The following MAPK13 variants were observed in gnomAD, a reference collection of about 807,000 sequenced individuals.
MAPK13 encodes MAP kinase 13.
In MAPK13, 39 loss-of-function variants were observed where a neutral mutation model predicts 53.5. The ratio of observed to expected loss-of-function variants is 0.73; its 90% CI spans 0.56 to 0.95. The LOEUF (loss-of-function observed/expected upper bound fraction) is 0.95. Ranked by LOEUF, MAPK13 falls within the 40% of genes least tolerant of loss-of-function variation. MAPK13 has a pLI of 0.00. For synonymous variants in MAPK13, 179 were observed against 190.9 expected, an observed-to-expected ratio of 0.94 and a Z score of 0.51; for missense variants, 460 against 471.8, an observed-to-expected ratio of 0.98 and a Z score of 0.23.
chr6:36,135,482 C>T (rs901864966), intron 3 of MAPK13, among the ~76,000 whole-genome samples: 9 of 152,332 alleles, frequency 5.9e-5, no homozygotes, highest in Admixed American at 2.6e-4. Context: ...CTTTGAAGAG[C>T]GGGAACACAG....
Position 36,131,288 on chromosome 6 carries a change from G to C in MAPK13, c.137G>C (p.Arg46Pro). The change falls in exon 2 of 12, where the codon CGG becomes CCG. Residue 46 changes from arginine to proline, a missense_variant. Transcript: ENST00000211287. ...YGSVCSAIDKRSGEKVAIKKL... is the reference protein window; with the variant it reads ...YGSVCSAIDKPSGEKVAIKKL... ...CCCGACAGCTCGGCCATCGACAAGC[G>C]GTCAGGGGAGAAGGTGGCCATCAAG... The C allele has an allele frequency of 1.2e-6, 2 of 1,613,502 alleles. No homozygotes were observed. Among genetic ancestry groups the C allele is most frequent in the Non-Finnish European group, 1.7e-6 (2 of 1,179,720 alleles).
Position 36,140,630 on chromosome 6 carries a change from AC to A in MAPK13, c.*1259del, listed in dbSNP as rs1766515216. The A allele has an allele frequency of 6.6e-6, 1 of 152,580 alleles. No individual in the cohort carries two copies. The highest frequency in any genetic ancestry group is 6.5e-5 in the Admixed American group (1 of 15,278). The allele number at this position is 152,580 out of a possible 1,614,324, so 9.5% of individuals were successfully genotyped here. A position where few individuals can be genotyped will look rare whatever the true frequency, so the allele number is the denominator to read the frequency against. Reference sequence around the variant, plus strand: ...GCCTAGTGATTCTGATGGATATCAGACCATAGTTCGAGACATTTAGTGGATT... The same window carrying A: ...GCCTAGTGATTCTGATGGATATCAGACATAGTTCGAGACATTTAGTGGATT... On this transcript the variant is annotated 3_prime_UTR_variant, in exon 12 of 12. Coordinates refer to ENST00000211287, the MANE Select transcript of MAPK13 (RefSeq NM_002754.5).
chr6:36,132,457 G>C (rs1205166581), intron 2 of MAPK13, among the ~76,000 whole-genome samples, 164 bp from the exon 3 acceptor site: 1 of 152,182 alleles, frequency 6.6e-6, no homozygotes, highest in Non-Finnish European at 1.5e-5. Flanking sequence ...GATTCCTCTA[G>C]GCCTCTGCCC....
At chr6:36,135,541 G>C (rs1423457774) in intron 3 of MAPK13, among the ~76,000 whole-genome samples, 3 of 152,252 alleles carry the variant, frequency 2.0e-5, no homozygotes, top group Non-Finnish European at 4.4e-5. Context: ...CTTACTCCGA[G>C]CTCTGCCAGC....
Position 36,144,125 on chromosome 6 carries a change from C to T in MAPK13, c.*4752C>T, listed in dbSNP as rs893043858. The T allele has an allele frequency of 1.3e-5, 2 of 152,218 alleles. No homozygotes were observed. Among genetic ancestry groups the T allele is most frequent in the African/African-American group, 4.8e-5 (2 of 41,444 alleles). The allele number at this position is 152,218 out of a possible 1,614,324, so 9.4% of individuals were successfully genotyped here. A position where few individuals can be genotyped will look rare whatever the true frequency, so the allele number is the denominator to read the frequency against. On this transcript the variant is annotated 3_prime_UTR_variant, in exon 12 of 12. Transcript: ENST00000211287. ...TCAGGTGATCCTCCCACCTCAGCCT[C>T]CCAAGTAGCTGGGACTATAGGCATG...
chr6:36,131,510 C>A (rs1024392023), intron 2 of MAPK13, 110 bp downstream of exon 2: 28 of 1,097,616 alleles, frequency 2.6e-5, no homozygotes, highest in Non-Finnish European at 3.5e-5. Flanking sequence ...CCTCCCTGCT[C>A]CCCTGACGGT....
intron 2 of MAPK13, among the ~76,000 whole-genome samples, chr6:36,132,248 T>C (rs941531791): frequency 6.6e-6 from 1 of 152,130 alleles, no homozygotes; most frequent in Non-Finnish European, 1.5e-5. Context: ...GCTGAAAAGC[T>C]CCTTCTCTGT....
intron 2 of MAPK13, among the ~76,000 whole-genome samples, chr6:36,131,883 C>T (rs1346093768): frequency 6.6e-6 from 1 of 152,198 alleles, no homozygotes; most frequent in East Asian, 1.9e-4. Context: ...CAGCAAGGCT[C>T]ACAGATTAGA....
rs747876948 is a variant in MAPK13, at chr6:36,131,432, G to T, written c.249+32G>T. 3.8e-6 allele frequency: 6 copies of T among 1,596,876 alleles called. No homozygotes were observed. In the Admixed American group the frequency reaches 8.4e-5, roughly 22 times the overall value. Reference sequence around the variant, plus strand: ...GGTGGCTGCCCCGGGGAGGGGGTGGGGGCTGCCCTGGGGAGTCAGGGGCAG... The same window carrying T: ...GGTGGCTGCCCCGGGGAGGGGGTGGTGGCTGCCCTGGGGAGTCAGGGGCAG... On this transcript the variant is annotated intron_variant, in intron 2 of 11. Transcript: ENST00000211287.
rs138076763 is a variant in MAPK13, at chr6:36,130,997, G to A, written c.120-274G>A. On this transcript the variant is annotated intron_variant, in intron 1 of 11. Coordinates refer to ENST00000211287, the MANE Select transcript of MAPK13 (RefSeq NM_002754.5). This position sits in a 1 kb window ranked among gnomAD's most constrained non-coding sequence, Gnocchi z 4.5. ...AGACGAGTACACCGAGGCCCCAAGA[G>A]GGGGAGGTGGCTCGCCAAGTTGCAG... 7 of 527,580 alleles carry A rather than the reference G, an allele frequency of 1.3e-5. No homozygotes were observed. The highest frequency in any genetic ancestry group is 7.0e-5 in the Admixed American group (2 of 28,706). The allele number at this position is 527,580 out of a possible 1,614,324, so 32.7% of individuals were successfully genotyped here. A position where few individuals can be genotyped will look rare whatever the true frequency, so the allele number is the denominator to read the frequency against.
At chr6:36,135,027 AAAGG>A (rs1368699089) in intron 3 of MAPK13, among the ~76,000 whole-genome samples, 1 of 152,218 alleles carries the variant, frequency 6.6e-6, no homozygotes, top group Non-Finnish European at 1.5e-5. Context: ...AGAAAAAAAG[AAAGG>A]AAGAAAGAAA....
In MAPK13 at chr6:36,142,991, G is replaced by C. The variant is rs1766560061; in HGVS notation, c.*3618G>C. ...CATTCTCCTGCTGTGGGGGGCAGAG[G>C]AGCTGGCGGGGCGAGGGAGGGGGAG... On this transcript the variant is annotated 3_prime_UTR_variant, in exon 12 of 12. Transcript: ENST00000211287. This position sits in a 1 kb window ranked among gnomAD's most constrained non-coding sequence, Gnocchi z 4.4. 1.3e-5 allele frequency: 2 copies of C among 152,254 alleles called. No individual in the cohort carries two copies. The highest frequency in any genetic ancestry group is 4.2e-4 in the South Asian group (2 of 4,792). 9.4% of individuals were successfully genotyped at this position (152,254 alleles called of 1,614,324 possible).
intron 2 of MAPK13, 39 bp from the exon 3 acceptor site, chr6:36,132,582 T>C: frequency 6.3e-7 from 1 of 1,598,222 alleles, no homozygotes; most frequent in Middle Eastern, 1.7e-4. Context: ...GAGGAGAAGG[T>C]AGCGTCTGTC....
At position 36,141,302 on chromosome 6, in the gene MAPK13, C is replaced by T. The variant is rs903742356; in HGVS notation, c.*1929C>T. 2.6e-5 allele frequency: 4 copies of T among 152,160 alleles called. No individual in the cohort carries two copies. Among genetic ancestry groups the T allele is most frequent in the African/African-American group, 9.7e-5 (4 of 41,414 alleles). 9.4% of individuals were successfully genotyped at this position (152,160 alleles called of 1,614,324 possible). A position where few individuals can be genotyped will look rare whatever the true frequency, so the allele number is the denominator to read the frequency against. ...CACACTAATGCAAGATGTTACTCAT[C>T]AAGAAAACTGAGGAGAGAGAAGGGG... On this transcript the variant is annotated 3_prime_UTR_variant, in exon 12 of 12. Transcript: ENST00000211287.
Position 36,138,994 on chromosome 6 carries a change from G to A in MAPK13, c.957G>A (p.Glu319=), listed in dbSNP as rs759063198. The A allele has an allele frequency of 1.2e-6, 2 of 1,613,660 alleles. No homozygotes were observed. The highest frequency in any genetic ancestry group is 1.7e-6 in the Non-Finnish European group (2 of 1,179,924). ...TCCGGGACCCTGAGGAAGAGACGGA[G>A]GCCCAGCAGCCGTTTGATGATTCCT... ...EPFRDPEEET[E]AQQPFDDSLE... Residue 319 remains glutamate, a synonymous_variant, in exon 11 of 12, where the codon GAG becomes GAA. Transcript: ENST00000211287.
At chr6:36,131,035 T>A in intron 1 of MAPK13, 1 of 549,994 alleles carries the variant, frequency 1.8e-6, no homozygotes, top group Non-Finnish European at 3.2e-6. Flanking sequence ...AGAGTGAGAC[T>A]CCCGCCCTGC....
At position 36,131,216 on chromosome 6, in the gene MAPK13, G is replaced by C. The variant is rs1581878216; in HGVS notation, c.120-55G>C. On this transcript the variant is annotated intron_variant, in intron 1 of 11. Coordinates refer to ENST00000211287, the MANE Select transcript of MAPK13 (RefSeq NM_002754.5). ...CCAGTGGGAGGGGTCAGGGCGGTCT[G>C]GGAGATACGGCCCAGGAGGAGAGCC... The C allele has an allele frequency of 5.1e-6, 8 of 1,580,616 alleles. No homozygotes were observed. The South Asian group carries it at 7.0e-5, about 14-fold the overall frequency.
Position 36,131,361 on chromosome 6 carries a change from C to G in MAPK13, c.210C>G (p.Tyr70Ter). 6.2e-7 allele frequency: 1 copy of G among 1,613,850 alleles called. No individual in the cohort carries two copies. The highest frequency in any genetic ancestry group is 8.5e-7 in the Non-Finnish European group (1 of 1,179,902). The change falls in exon 2 of 12, where the codon TAC (tyrosine) becomes TAG (stop). Residue 70 changes from tyrosine (Y) to a stop codon, truncating the protein, a stop_gained. Coordinates refer to ENST00000211287, the MANE Select transcript of MAPK13 (RefSeq NM_002754.5). LOFTEE classifies it high-confidence loss of function. ...FQSEIFAKRA[Y>*]RELLLLKHMQ... ...CCGAGATCTTCGCCAAGCGCGCCTA[C>G]CGGGAGCTGCTGCTGCTGAAGCACA...
chr6:36,131,889 T>C (rs975912405), intron 2 of MAPK13, among the ~76,000 whole-genome samples: 4 of 152,144 alleles, frequency 2.6e-5, no homozygotes, highest in Non-Finnish European at 5.9e-5. Context: ...GGCTCACAGA[T>C]TAGATGGTTA....
Sources: gnomAD v4.1 joint callset for allele counts (sites outside exome capture counted in the v4.1 genomes callset) on GRCh38, gnomAD v4.1.1 for gene constraint, Gnocchi (gnomAD v3.1) non-coding constraint, MANE v1.5 for transcripts, NCBI Gene and HGNC (gene_info 2026-07-23, HGNC 2026-07-21) for gene names.